The following MCC variants were observed in gnomAD, a reference collection of about 807,000 sequenced individuals.
MCC encodes MCC regulator of Wnt signaling pathway, also known as colorectal mutant cancer protein.
MCC carries 90 observed loss-of-function variants against 116.2 expected under a neutral mutation model. The observed-to-expected ratio is 0.77, with a 90% CI of 0.65 to 0.92. The LOEUF is 0.92. MCC is among the 40% of genes least tolerant of loss of function. The probability of loss-of-function intolerance (pLI) is 0.00; values close to 1 mark genes in which losing one functional copy is unlikely to be tolerated. For missense variants in MCC, 1,516 were observed against 1,312.2 expected (o/e 1.16, Z -2.40); for synonymous variants, 578 against 510.5 (o/e 1.13, Z -1.78).
intron 1 of MCC, among the ~76,000 whole-genome samples, chr5:113,447,484 T>A (rs1170516409): frequency 6.6e-6 from 1 of 152,188 alleles, no homozygotes; most frequent in Non-Finnish European, 1.5e-5. Context: ...CCCTATACAG[T>A]GATCCCACTA....
chr5:113,338,428 A>G (rs1767923241), intron 3 of MCC, among the ~76,000 whole-genome samples: 3 of 152,152 alleles, frequency 2.0e-5, no homozygotes, highest in Admixed American at 2.0e-4. Context: ...ATCAGGAGAG[A>G]CAGGAGAACA....
intron 2 of MCC, among the ~76,000 whole-genome samples, chr5:113,383,552 T>C (rs1207378638): frequency 6.6e-6 from 1 of 152,104 alleles, no homozygotes; most frequent in Admixed American, 6.6e-5. Flanking sequence ...GAGGAAAAGA[T>C]TCCAGAAGTA....
chr5:113,461,290 T>C (rs947440010), intron 1 of MCC, among the ~76,000 whole-genome samples: 1 of 152,152 alleles, frequency 6.6e-6, no homozygotes, highest in African/African-American at 2.4e-5. Context: ...ACCACGTTTT[T>C]CAAATAACTC....
At chr5:113,178,047 G>T (rs1358306945) in intron 3 of MCC, among the ~76,000 whole-genome samples, 1 of 152,164 alleles carries the variant, frequency 6.6e-6, no homozygotes, top group East Asian at 1.9e-4. Context: ...CCAAAACAGT[G>T]GGTAATGTAA....
At chr5:113,069,323 T>C (rs879611813) in intron 12 of MCC, among the ~76,000 whole-genome samples, 1 of 152,270 alleles carries the variant, frequency 6.6e-6, no homozygotes, top group Non-Finnish European at 1.5e-5. Context: ...CACTCTTCTT[T>C]GTGCCCAACA....
chr5:113,472,726 A>T (rs951099728), intron 1 of MCC, among the ~76,000 whole-genome samples: 2 of 152,212 alleles, frequency 1.3e-5, no homozygotes, highest in Non-Finnish European at 2.9e-5. Flanking sequence ...ACTAATTTAC[A>T]AGATCAAAAT....
intron 1 of MCC, among the ~76,000 whole-genome samples, chr5:113,443,912 C>A (rs912638322): frequency 6.6e-6 from 1 of 152,044 alleles, no homozygotes; most frequent in East Asian, 1.9e-4. Flanking sequence ...CAACCTCCAC[C>A]TCCTGGTTCA....
chr5:113,276,177 CCT>C (rs1331466046), intron 3 of MCC, among the ~76,000 whole-genome samples: 5 of 152,076 alleles, frequency 3.3e-5, no homozygotes, highest in African/African-American at 9.7e-5. Flanking sequence ...ACACGCCTCC[CCT>C]GACTCCCTCC....
chr5:113,168,890 A>G (rs1454143463), intron 3 of MCC, among the ~76,000 whole-genome samples: 4 of 152,200 alleles, frequency 2.6e-5, no homozygotes, highest in African/African-American at 9.6e-5. Context: ...ACTAGTAGCA[A>G]GCAATAGCTT....
intron 2 of MCC, among the ~76,000 whole-genome samples, chr5:113,354,741 C>A (rs2150383228): frequency 6.7e-6 from 1 of 149,466 alleles, no homozygotes; most frequent in African/African-American, 2.4e-5. Flanking sequence ...GCCCCTTTTT[C>A]TTTTAGACTT....
chr5:113,228,543 A>C (rs959331864), intron 3 of MCC, among the ~76,000 whole-genome samples: 1 of 152,160 alleles, frequency 6.6e-6, no homozygotes, highest in African/African-American at 2.4e-5. Flanking sequence ...CAAGGTGACC[A>C]ATGTATCTGG....
intron 3 of MCC, among the ~76,000 whole-genome samples, chr5:113,173,864 G>A (rs1028776188): frequency 1.3e-5 from 2 of 152,160 alleles, no homozygotes; most frequent in African/African-American, 4.8e-5. Context: ...TGCACTTGGT[G>A]TGTGTAACTC....
At position 113,068,166 on chromosome 5, in the gene MCC, G is replaced by C. The variant is rs1160540931; in HGVS notation, c.1943C>G (p.Ala648Gly). The C allele has an allele frequency of 6.2e-7, 1 of 1,613,934 alleles. No individual in the cohort carries two copies. Among genetic ancestry groups the C allele is most frequent in the Non-Finnish European group, 8.5e-7 (1 of 1,179,970 alleles). ...TGCCAGCGCCAGGAGGAGTTCGTAGGCTTCGATGCACTGCTCGCTGAAACA... is the reference window on the plus strand; with the variant it reads ...TGCCAGCGCCAGGAGGAGTTCGTAGCCTTCGATGCACTGCTCGCTGAAACA... Reference protein sequence around the residue: ...ALQYSEQCIEAYELLLALAES... With the variant: ...ALQYSEQCIEGYELLLALAES... Residue 648 changes from alanine (A) to glycine (G), a missense_variant, in exon 13 of 19, where the codon GCC (alanine) becomes GGC (glycine). Transcript: ENST00000408903.
intron 6 of MCC, among the ~76,000 whole-genome samples, chr5:113,107,208 CT>C (rs746820475): frequency 2.0e-4 from 25 of 125,062 alleles, no homozygotes; most frequent in Admixed American, 3.2e-4. Flanking sequence ...GCATGTTTTT[CT>C]TTTTTTTTTT....
intron 17 of MCC, among the ~76,000 whole-genome samples, chr5:113,030,759 T>TG (rs980957723): frequency 6.6e-6 from 1 of 152,176 alleles, no homozygotes; most frequent in Non-Finnish European, 1.5e-5. Context: ...GTTCTAAAGA[T>TG]GCCATTTTTG....
At chr5:113,279,500 G>C (rs1199975238) in intron 3 of MCC, among the ~76,000 whole-genome samples, 2 of 152,064 alleles carry the variant, frequency 1.3e-5, no homozygotes, top group Non-Finnish European at 2.9e-5. Context: ...ATTCACCCCA[G>C]AAAAGCAATT....
chr5:113,457,503 C>T (rs1000366797), intron 1 of MCC, among the ~76,000 whole-genome samples: 3 of 152,214 alleles, frequency 2.0e-5, no homozygotes, highest in Non-Finnish European at 2.9e-5. Context: ...CCAGTCCCAT[C>T]GATCACCCAA....
chr5:113,352,415 A>T (rs1292693335), intron 2 of MCC, among the ~76,000 whole-genome samples: 2 of 151,978 alleles, frequency 1.3e-5, no homozygotes, highest in African/African-American at 4.8e-5. Flanking sequence ...AAGGCTTACT[A>T]TCTTCCCATA....
In MCC at chr5:113,266,029, G is replaced by A. The variant is rs117733363; in HGVS notation, c.627+74490C>T. Among the ~76,000 whole-genome samples, 247 of 152,220 alleles carry A rather than the reference G, an allele frequency of 1.6e-3. 3 individuals carry two copies. In the East Asian group the frequency reaches 0.037, roughly 23 times the overall value. The stretch of plus-strand genomic sequence containing the variant: ...CAGTAAGTCTCCTTCCAAAGACAAG[G>A]CTAATAAGACCCTCACAGTATGGGG... On this transcript the variant is annotated intron_variant, in intron 3 of 18. Transcript: ENST00000408903.
Sources: allele counts gnomAD v4.1 joint callset (sites outside exome capture counted in the v4.1 genomes callset), GRCh38; gene constraint gnomAD v4.1.1; transcripts MANE v1.5; gene names NCBI Gene and HGNC (gene_info 2026-07-23, HGNC 2026-07-21).